Variants in PLEKHM2 observed in about 807,000 individuals in gnomAD.
PLEKHM2 encodes the protein pleckstrin homology domain-containing family M member 2.
Under a neutral mutation model 116.3 loss-of-function variants are expected in PLEKHM2, and 77 were observed. The observed-to-expected ratio is 0.66, with a 90% CI of 0.55 to 0.80. The LOEUF is 0.80. Among genes scored for constraint, PLEKHM2 ranks in the 30% least tolerant of loss-of-function variants. The probability of loss-of-function intolerance (pLI) is 0.00; values close to 1 mark genes in which losing one functional copy is unlikely to be tolerated. For synonymous variants in PLEKHM2, 562 were observed against 571.0 expected (o/e 0.98, Z 0.22); for missense variants, 1,183 against 1,354.9 (o/e 0.87, Z 1.99).
chr1:15,719,785 C>T lies in PLEKHM2; in HGVS notation c.517C>T (p.Gln173Ter). 1 of 1,613,812 alleles carries T rather than the reference C, an allele frequency of 6.2e-7. No homozygotes were observed. ...APYMPDYYKPQYLLDFEDRLP... is the reference protein window; with the variant it reads ...APYMPDYYKP ...CTACATGCCCGACTACTACAAACCT[C>T]AGTACCTGCTGGACTTTGAAGACCG... The change falls in exon 6 of 20, where the codon CAG becomes TAG. Residue 173 changes from glutamine to a stop codon, truncating the protein, a stop_gained. Coordinates refer to ENST00000375799, the MANE Select transcript of PLEKHM2 (RefSeq NM_015164.4). LOFTEE classifies it high-confidence loss of function. This position sits in a 1 kb window ranked among gnomAD's most constrained non-coding sequence, Gnocchi z 4.1.
At chr1:15,726,929 C>A (rs2068069982) in intron 8 of PLEKHM2, 85 bp from the exon 9 acceptor site, 8 of 870,142 alleles carry the variant, frequency 9.2e-6, no homozygotes, top group Non-Finnish European at 1.4e-5. Flanking sequence ...GCTACATGGC[C>A]AGCATTGCCA....
intron 1 of PLEKHM2, among the ~76,000 whole-genome samples, chr1:15,711,206 AAAAAT>A (rs146064327): frequency 0.2 from 29,906 of 151,862 alleles, 3,112 homozygotes; most frequent in African/African-American, 0.25. Context: ...TATCAAAAAT[AAAAAT>A]AAAATAAAAT....
intron 1 of PLEKHM2, 68 bp downstream of exon 1, chr1:15,684,686 T>A: frequency 1.7e-6 from 1 of 585,858 alleles, no homozygotes; most frequent in African/African-American, 8.6e-5. Context: ...CCGGCGGCGC[T>A]CTCCCGGGCC....
At chr1:15,692,624 G>A (rs1640910795) in intron 1 of PLEKHM2, among the ~76,000 whole-genome samples, 8 of 152,186 alleles carry the variant, frequency 5.3e-5, no homozygotes. Flanking sequence ...TTTTTGTAGA[G>A]ACTGAGTCTC....
At chr1:15,703,294 A>G (rs1019325568) in intron 1 of PLEKHM2, among the ~76,000 whole-genome samples, 5 of 152,154 alleles carry the variant, frequency 3.3e-5, no homozygotes, top group Admixed American at 6.5e-5. Flanking sequence ...GTGGAGCCCC[A>G]CAGTGGCCAG....
chr1:15,725,406 C>A lies in PLEKHM2; in HGVS notation c.802C>A (p.Arg268Ser). The A allele has an allele frequency of 1.9e-6, 3 of 1,553,578 alleles. No individual in the cohort carries two copies. Among genetic ancestry groups the A allele is most frequent in the Non-Finnish European group, 2.6e-6 (3 of 1,148,364 alleles). ...SKASTRSPTQ[R>S]QNPFNEEPAE... is the part of the protein sequence containing the mutation. ...GGCCTCCACCAGGAGCCCCACCCAGCGCCAGAACCCCTTCAACGAGGAGCC... is the reference window on the plus strand; with the variant it reads ...GGCCTCCACCAGGAGCCCCACCCAGAGCCAGAACCCCTTCAACGAGGAGCC... Residue 268 changes from arginine to serine, a missense_variant, in exon 8 of 20, where the codon CGC becomes AGC. By Grantham distance (110) the Arg-to-Ser change is moderately radical. Around this residue, in one of 3 missense-constraint regions of PLEKHM2, gnomAD observed 372 missense variants for 357.2 expected, o/e 1.04. Coordinates refer to ENST00000375799, the MANE Select transcript of PLEKHM2 (RefSeq NM_015164.4).
chr1:15,716,101 T>C (rs2148356930), intron 1 of PLEKHM2, 136 bp from the exon 2 acceptor site: 2 of 607,368 alleles, frequency 3.3e-6, no homozygotes, highest in East Asian at 5.6e-5. Flanking sequence ...CAGGGGTGGT[T>C]TGAGGTAGAC....
At chr1:15,730,430 A>C in intron 14 of PLEKHM2, 102 bp from the exon 15 acceptor site, 1 of 903,032 alleles carries the variant, frequency 1.1e-6, no homozygotes, top group East Asian at 2.7e-5. Flanking sequence ...CGACAGAGCG[A>C]GACTCCATCT....
rs1266318127 is a variant in PLEKHM2, at chr1:15,716,812, G to A, written c.273G>A (p.Gly91=). 6.4e-7 allele frequency: 1 copy of A among 1,560,976 alleles called. No individual in the cohort carries two copies. Among genetic ancestry groups the A allele is most frequent in the Non-Finnish European group, 8.7e-7 (1 of 1,152,350 alleles). ...TGCAGCACGTGGCCACCAACCTGGGGCGCAGTGAGTAGTCACAAGGAGACG... is the reference window on the plus strand; with the variant it reads ...TGCAGCACGTGGCCACCAACCTGGGACGCAGTGAGTAGTCACAAGGAGACG... ...EVLQHVATNL[G]RSRAWLYLAL... Residue 91 remains glycine, a synonymous_variant, in exon 3 of 20, where the codon GGG becomes GGA. Transcript: ENST00000375799.
In PLEKHM2 at chr1:15,721,097, C is replaced by T; in HGVS notation, c.653-232C>T. ...CCAGCTTCTGGATGTGGAAAGGGGT[C>T]ACCCTGACAGGTCTTTCCAGCTGGT... On this transcript the variant is annotated intron_variant, in intron 6 of 19. Transcript: ENST00000375799. The surrounding 1 kb of genome is among the most constrained non-coding windows in gnomAD (Gnocchi z 5.1). The T allele has an allele frequency of 2.0e-6, 1 of 493,028 alleles. No individual in the cohort carries two copies. The highest frequency in any genetic ancestry group is 3.6e-6 in the Non-Finnish European group (1 of 280,306). The allele number at this position is 493,028 out of a possible 1,614,324, so 30.5% of individuals were successfully genotyped here.
chr1:15,694,348 CAAAAA>C (rs796565464), intron 1 of PLEKHM2, among the ~76,000 whole-genome samples: 1 of 145,218 alleles, frequency 6.9e-6, no homozygotes, highest in African/African-American at 2.5e-5. Flanking sequence ...GACTCCATCT[CAAAAA>C]AAAAACACAA....
intron 1 of PLEKHM2, among the ~76,000 whole-genome samples, chr1:15,713,696 C>T (rs1045192191): frequency 3.3e-5 from 5 of 151,742 alleles, no homozygotes; most frequent in South Asian, 2.1e-4. Flanking sequence ...AGTGCAGTGG[C>T]GTGATCTCAG....
At chr1:15,697,436 T>C (rs561149147) in intron 1 of PLEKHM2, among the ~76,000 whole-genome samples, 1 of 152,294 alleles carries the variant, frequency 6.6e-6, no homozygotes, top group South Asian at 2.1e-4. Context: ...GCCAGAGTAA[T>C]CATAGTACCT....
At chr1:15,703,886 G>C (rs1325261100) in intron 1 of PLEKHM2, among the ~76,000 whole-genome samples, 2 of 152,146 alleles carry the variant, frequency 1.3e-5, no homozygotes. Context: ...AGCTTTTCCC[G>C]GCCCTGGTGC....
Position 15,732,456 on chromosome 1 carries a change from G to A in PLEKHM2, c.2732G>A (p.Arg911His). The part of the protein sequence containing the change: ...CHEDCQTSFF[R>H]SLGTAKLGDI... ...GAGGATTGCCAGACCAGCTTCTTCCGCTCTTTGGGCACAGCCAAGCTGGGC... is the reference window on the plus strand; with the variant it reads ...GAGGATTGCCAGACCAGCTTCTTCCACTCTTTGGGCACAGCCAAGCTGGGC... Residue 911 changes from arginine to histidine, a missense_variant, in exon 18 of 20, where the codon CGC (arginine) becomes CAC (histidine). Physicochemically the swap from Arg to His is conservative, Grantham distance 29. Around this residue, in one of 3 missense-constraint regions of PLEKHM2, gnomAD observed 594 missense variants for 720.1 expected, o/e 0.82. Transcript: ENST00000375799. The A allele has an allele frequency of 3.7e-6, 6 of 1,600,186 alleles. No homozygotes were observed. The highest frequency in any genetic ancestry group is 1.3e-5 in the African/African-American group (1 of 74,828).
intron 1 of PLEKHM2, among the ~76,000 whole-genome samples, chr1:15,701,527 C>T (rs768679293): frequency 7.9e-5 from 12 of 152,200 alleles, no homozygotes; most frequent in African/African-American, 2.4e-4. Flanking sequence ...CGGTGGCTCA[C>T]GCCTGTAATC....
At position 15,727,451 on chromosome 1, in the gene PLEKHM2, C is replaced by T. The variant is rs1242744565; in HGVS notation, c.1379C>T (p.Ala460Val). Reference sequence around the variant, plus strand: ...TGCGACTTTAGTGAGGGGCTTTCAGCCCCAATGGACTTCTACCGCTTTACC... The same window carrying T: ...TGCGACTTTAGTGAGGGGCTTTCAGTCCCAATGGACTTCTACCGCTTTACC... ...PLCDFSEGLS[A>V]PMDFYRFTVE... Residue 460 changes from alanine to valine, a missense_variant, in exon 9 of 20, where the codon GCC (alanine) becomes GTC (valine). Around this residue, in one of 3 missense-constraint regions of PLEKHM2, gnomAD observed 372 missense variants for 357.2 expected, o/e 1.04. Coordinates refer to ENST00000375799, the MANE Select transcript of PLEKHM2 (RefSeq NM_015164.4). The surrounding 1 kb of genome is among the most constrained non-coding windows in gnomAD (Gnocchi z 7.5). The T allele has an allele frequency of 1.2e-6, 2 of 1,604,822 alleles. No individual in the cohort carries two copies. Among genetic ancestry groups the T allele is most frequent in the South Asian group, 1.1e-5 (1 of 89,816 alleles).
chr1:15,689,233 G>A (rs1407647340), intron 1 of PLEKHM2, among the ~76,000 whole-genome samples: 2 of 123,684 alleles, frequency 1.6e-5, no homozygotes, highest in Non-Finnish European at 1.6e-5. Context: ...CAAAAAGAGC[G>A]AAACTCCGTC....
In PLEKHM2 at chr1:15,727,362, T is replaced by C. The variant is rs1215914419; in HGVS notation, c.1290T>C (p.Ala430=). 1 of 1,600,456 alleles carries C rather than the reference T, an allele frequency of 6.2e-7. No individual in the cohort carries two copies. Among genetic ancestry groups the C allele is most frequent in the African/African-American group, 1.3e-5 (1 of 74,646 alleles). ...ACCCCAGCACCTGGTGCTCCCGTGC[T>C]GAGCCCCCAGACCAGTCCTTTCGGA... ...QLDPSTWCSR[A]EPPDQSFRTG... is the part of the protein sequence containing the mutation. The change falls in exon 9 of 20, where the codon GCT becomes GCC. Residue 430 remains alanine (A), a synonymous_variant. Transcript: ENST00000375799. This position sits in a 1 kb window ranked among gnomAD's most constrained non-coding sequence, Gnocchi z 7.5.
Sources: gnomAD v4.1 joint callset for allele counts (sites outside exome capture counted in the v4.1 genomes callset) on GRCh38, gnomAD v4.1.1 for gene constraint, gnomAD v4.1.1 regional missense constraint, Gnocchi (gnomAD v3.1) non-coding constraint, MANE v1.5 for transcripts, NCBI Gene and HGNC (gene_info 2026-07-23, HGNC 2026-07-21) for gene names.